Variants in TG observed in about 807,000 individuals in gnomAD.
The protein encoded by TG is thyroglobulin, also known as thyroid hormones.
Under a neutral mutation model 324.7 loss-of-function variants are expected in TG, and 270 were observed. The ratio of observed to expected loss-of-function variants is 0.83; its 90% CI spans 0.75 to 0.92. The LOEUF (loss-of-function observed/expected upper bound fraction) is 0.92, where lower values mean the gene tolerates loss of function less well. Among genes scored for constraint, TG ranks in the 40% least tolerant of loss-of-function variants. TG has a pLI of 0.00. For missense variants in TG, 3,591 were observed against 3,456.4 expected (o/e 1.04, Z -0.98); for synonymous variants, 1,401 against 1,327.0 (o/e 1.06, Z -1.21).
intron 27 of TG, among the ~76,000 whole-genome samples, chr8:132,957,117 T>C (rs981080699): frequency 6.6e-6 from 1 of 152,144 alleles, no homozygotes; most frequent in Non-Finnish European, 1.5e-5. Flanking sequence ...TTGGCAATCA[T>C]ATTAACAATG....
intron 37 of TG, among the ~76,000 whole-genome samples, chr8:133,015,301 A>G (rs1006003755): frequency 6.6e-6 from 1 of 152,212 alleles, no homozygotes; most frequent in African/African-American, 2.4e-5. Context: ...GGAAATGCTC[A>G]CTTCCAAAAG....
intron 29 of TG, chr8:132,965,014 G>A: frequency 4.4e-6 from 3 of 680,120 alleles, no homozygotes; most frequent in Non-Finnish European, 5.3e-6. Context: ...CAGTCCTGCT[G>A]CCTTGTTTCT....
intron 26 of TG, among the ~76,000 whole-genome samples, chr8:132,944,809 A>G (rs1432830356): frequency 6.6e-6 from 1 of 152,284 alleles, no homozygotes; most frequent in Non-Finnish European, 1.5e-5. Flanking sequence ...AGATAAATTA[A>G]GACTTTCCGA....
At chr8:132,880,063 C>T (rs970345261) in intron 5 of TG, among the ~76,000 whole-genome samples, 1 of 152,176 alleles carries the variant, frequency 6.6e-6, no homozygotes, top group Non-Finnish European at 1.5e-5. Context: ...GAGCGAGGTG[C>T]TGGGCATATG....
Position 132,882,942 on chromosome 8 carries a change from G to T in TG, c.1018G>T (p.Asp340Tyr). 6.2e-7 allele frequency: 1 copy of T among 1,614,184 alleles called. No individual in the cohort carries two copies. ...GACGGAAGGGCCCTGCTGGTGTGTG[G>T]ACGCCCAGGGGAAGGAAATGCATGG... ...CQTEGPCWCV[D>Y]AQGKEMHGTR... The change falls in exon 8 of 48, where the codon GAC (aspartate) becomes TAC (tyrosine). Residue 340 changes from aspartate to tyrosine, a missense_variant. By Grantham distance (160) the Asp-to-Tyr change is radical (BLOSUM62 -3). Coordinates refer to ENST00000220616, the MANE Select transcript of TG (RefSeq NM_003235.5).
intron 41 of TG, chr8:133,075,084 G>C: frequency 1.0e-6 from 1 of 985,440 alleles, no homozygotes; most frequent in Non-Finnish European, 1.2e-6. Flanking sequence ...AGAAGGGCAG[G>C]TTCCTGTTTT....
At chr8:133,109,227 A>G (rs1193210162) in intron 43 of TG, among the ~76,000 whole-genome samples, 3 of 152,180 alleles carry the variant, frequency 2.0e-5, no homozygotes, top group African/African-American at 7.2e-5. Flanking sequence ...TCCCAGGCCA[A>G]CGGCATCAGC....
intron 35 of TG, among the ~76,000 whole-genome samples, chr8:133,010,071 C>T (rs1468746840): frequency 6.6e-6 from 1 of 152,198 alleles, no homozygotes; most frequent in Non-Finnish European, 1.5e-5. Context: ...GGCAAAGACC[C>T]TTTCATACCT....
intron 25 of TG, among the ~76,000 whole-genome samples, chr8:132,939,320 A>G (rs560031206): frequency 6.6e-6 from 1 of 152,352 alleles, no homozygotes; most frequent in Non-Finnish European, 1.5e-5. Context: ...TAATTACGGC[A>G]TCAAACACTG....
chr8:133,072,460 A>C (rs1587993323), intron 41 of TG, among the ~76,000 whole-genome samples: 1 of 152,352 alleles, frequency 6.6e-6, no homozygotes, highest in East Asian at 1.9e-4. Context: ...ATAGATAGAT[A>C]GATGGATAGA....
chr8:132,960,833 G>A (rs1827641778), intron 27 of TG, among the ~76,000 whole-genome samples, 175 bp from the exon 28 acceptor site: 1 of 152,152 alleles, frequency 6.6e-6, no homozygotes, highest in Admixed American at 6.5e-5. Flanking sequence ...CTCTGGTTTT[G>A]TACTAGGGAG....
intron 41 of TG, chr8:133,063,526 A>C (rs1172638278): frequency 1.3e-5 from 2 of 152,164 alleles, no homozygotes; most frequent in African/African-American, 4.8e-5. Flanking sequence ...AAAGCCTTTA[A>C]ACTTGCATTG....
At chr8:132,944,593 C>T (rs1363825788) in intron 26 of TG, among the ~76,000 whole-genome samples, 1 of 152,172 alleles carries the variant, frequency 6.6e-6, no homozygotes, top group African/African-American at 2.4e-5. Context: ...TGCCAGATGC[C>T]CGTGTTCCAG....
At chr8:133,075,947 A>G (rs1673876630) in intron 41 of TG, 1 of 152,216 alleles carries the variant, frequency 6.6e-6, no homozygotes, top group Admixed American at 6.5e-5. Context: ...TATATATTAT[A>G]AAATGTATGT....
At chr8:133,123,421 G>A (rs1851289752) in intron 45 of TG, among the ~76,000 whole-genome samples, 1 of 152,052 alleles carries the variant, frequency 6.6e-6, no homozygotes, top group African/African-American at 2.4e-5. Context: ...TCTCTCCCGG[G>A]TCTGAGGCCC....
At chr8:132,873,663 C>T (rs1057152097) in intron 5 of TG, among the ~76,000 whole-genome samples, 4 of 152,068 alleles carry the variant, frequency 2.6e-5, no homozygotes, top group Non-Finnish European at 4.4e-5. Context: ...TATGATAATA[C>T]AATACAAGAT....
chr8:132,869,917 C>A, intron 3 of TG, 91 bp downstream of exon 3: 2 of 1,116,774 alleles, frequency 1.8e-6, no homozygotes, highest in South Asian at 1.3e-5. Flanking sequence ...GGTGACTGAG[C>A]AGGTCCTCCC....
chr8:132,964,088 C>T (rs766269438), intron 29 of TG, among the ~76,000 whole-genome samples: 1 of 151,982 alleles, frequency 6.6e-6, no homozygotes, highest in Non-Finnish European at 1.5e-5. Context: ...TGATCCTCAA[C>T]CTCGGCAGTG....
At chr8:133,067,941 AAGAG>A (rs1408170903) in intron 41 of TG, among the ~76,000 whole-genome samples, 6 of 151,314 alleles carry the variant, frequency 4.0e-5, no homozygotes, top group South Asian at 2.1e-4. Flanking sequence ...GAAAGAAAGA[AAGAG>A]AGAAAGAAAG....
Sources: gnomAD v4.1 joint callset for allele counts (sites outside exome capture counted in the v4.1 genomes callset) on GRCh38, gnomAD v4.1.1 for gene constraint, MANE v1.5 for transcripts, NCBI Gene and HGNC (gene_info 2026-07-23, HGNC 2026-07-21) for gene names.